NGLY1: variants seen among roughly 807,000 people sequenced by gnomAD.
NGLY1 encodes the protein N-glycanase 1.
In NGLY1, 68 loss-of-function variants were observed where a neutral mutation model predicts 84.6. That is an observed-to-expected ratio of 0.80 (90% CI 0.66 to 0.98). NGLY1 has a LOEUF of 0.98. Ranked by LOEUF, NGLY1 falls within the 50% of genes least tolerant of loss-of-function variation. The pLI, the probability that NGLY1 is intolerant of heterozygous loss-of-function variation, is 0.00. For missense variants in NGLY1, 779 were observed against 770.2 expected, an observed-to-expected ratio of 1.01 and a Z score of -0.14; for synonymous variants, 280 against 275.2, an observed-to-expected ratio of 1.02 and a Z score of -0.17.
Position 25,789,981 on chromosome 3 carries a change from A to G in NGLY1, c.-116T>C, listed in dbSNP as rs879200762. On this transcript the variant is annotated 5_prime_UTR_variant, in exon 1 of 12. Transcript: ENST00000417874. ...CCACGGTCTGACCTCAGCCAAGGTGACGCGGCTTAAAGTCAACCGGCGGAA... is the reference window on the plus strand; with the variant it reads ...CCACGGTCTGACCTCAGCCAAGGTGGCGCGGCTTAAAGTCAACCGGCGGAA... 1.8e-4 allele frequency: 237 copies of G among 1,316,336 alleles called. 1 individual carries two copies. In the South Asian group the frequency reaches 2.9e-3, roughly 16 times the overall value. The allele number at this position is 1,316,336 out of a possible 1,614,324, so 81.5% of individuals were successfully genotyped here.
chr3:25,756,104 A>C (rs1311713001), intron 3 of NGLY1, among the ~76,000 whole-genome samples: 1 of 152,082 alleles, frequency 6.6e-6, no homozygotes, highest in Non-Finnish European at 1.5e-5. Context: ...CAAATCTCTC[A>C]ATTTAGGAAA....
Position 25,772,693 on chromosome 3 carries a change from GTT to G in NGLY1, c.246+5879_246+5880del, listed in dbSNP as rs56343965. Among the ~76,000 whole-genome samples, 10 of 151,074 alleles carry G rather than the reference GTT, an allele frequency of 6.6e-5. No homozygotes were observed. The East Asian group carries it at 1.7e-3, about 26-fold the overall frequency. On this transcript the variant is annotated intron_variant, in intron 2 of 11. Transcript: ENST00000280700. ...ATGCTAGTTGTTGTGTGAATACTTT[GTT>G]TTTTTTTCATTATTTATTGTTTTAT...
At chr3:25,775,216 C>T (rs1163276610) in intron 2 of NGLY1, among the ~76,000 whole-genome samples, 1 of 152,210 alleles carries the variant, frequency 6.6e-6, no homozygotes, top group Admixed American at 6.5e-5. Context: ...TTTCTCAGAG[C>T]AAAAGTTCAC....
chr3:25,770,240 TC>T (rs1707827116), intron 2 of NGLY1, among the ~76,000 whole-genome samples: 1 of 152,180 alleles, frequency 6.6e-6, no homozygotes. Context: ...AACCTCCGCC[TC>T]CCGGGTTCTA....
At chr3:25,760,658 G>A (rs1422462044) in intron 3 of NGLY1, among the ~76,000 whole-genome samples, 5 of 151,954 alleles carry the variant, frequency 3.3e-5, no homozygotes, top group East Asian at 3.9e-4. Flanking sequence ...TTGGGAGTTC[G>A]AGACCAGCCT....
At chr3:25,769,866 T>C (rs947360917) in intron 2 of NGLY1, among the ~76,000 whole-genome samples, 2 of 152,146 alleles carry the variant, frequency 1.3e-5, no homozygotes, top group Non-Finnish European at 2.9e-5. Context: ...AGTTCTTTAG[T>C]GGTAATTTCT....
At chr3:25,768,503 G>A (rs1707727624) in intron 2 of NGLY1, among the ~76,000 whole-genome samples, 1 of 145,522 alleles carries the variant, frequency 6.9e-6, no homozygotes. Context: ...ACTACTAGAA[G>A]AAAATATTGG....
intron 1 of NGLY1, chr3:25,789,788 C>T: frequency 6.8e-7 from 1 of 1,474,292 alleles, no homozygotes; most frequent in Non-Finnish European, 9.3e-7. Flanking sequence ...GGTGTCCCTT[C>T]TCCGACAAAA....
At position 25,729,307 on chromosome 3, in the gene NGLY1, G is replaced by T. The variant is rs752135335; in HGVS notation, c.1437C>A (p.Thr479=). The T allele has an allele frequency of 2.1e-6, 3 of 1,396,430 alleles. No homozygotes were observed. In the East Asian group the frequency reaches 8.1e-5, roughly 38 times the overall value. 86.5% of individuals were successfully genotyped at this position (1,396,430 alleles called of 1,614,324 possible). A position where few individuals can be genotyped will look rare whatever the true frequency, so the allele number is the denominator to read the frequency against. The change falls in exon 10 of 12, where the codon ACC becomes ACA. Residue 479 remains threonine, a synonymous_variant. Transcript: ENST00000280700. The part of the protein sequence containing the change: ...RGEMGLQRKE[T]LFIPCENEKI... ...TCTCATTTTCACAGGGAATAAACAA[G>T]GTTTCTTTTCTCTTAAAAAGAAAGC...
At chr3:25,760,839 A>G in intron 3 of NGLY1, among the ~76,000 whole-genome samples, 1 of 82,630 alleles carries the variant, frequency 1.2e-5, no homozygotes, top group Non-Finnish European at 2.5e-5. Flanking sequence ...CAGCCTGGGC[A>G]ACAAGAGTGA....
chr3:25,774,679 C>T (rs753081638), intron 2 of NGLY1, among the ~76,000 whole-genome samples: 1 of 152,132 alleles, frequency 6.6e-6, no homozygotes, highest in Non-Finnish European at 1.5e-5. Flanking sequence ...AGGCAGTGTA[C>T]GCAGGGTTGA....
chr3:25,790,000 G>A (rs918817635), exon 1 of NGLY1: 6 of 1,103,836 alleles, frequency 5.4e-6, no homozygotes, highest in African/African-American at 4.7e-5. Context: ...AAAGTCAACC[G>A]GCGGAAAGAG....
intron 4 of NGLY1, chr3:25,749,610 T>C (rs970792442): frequency 4.3e-5 from 63 of 1,461,506 alleles, no homozygotes; most frequent in Admixed American, 4.0e-4. Flanking sequence ...CCCAGAGGTA[T>C]TGACGACAGG....
chr3:25,779,666 C>G (rs1019135298), intron 1 of NGLY1, among the ~76,000 whole-genome samples: 3 of 152,182 alleles, frequency 2.0e-5, no homozygotes, highest in African/African-American at 7.2e-5. Context: ...GTCCTATCTA[C>G]ACATGTTCTC....
rs573836455 is a variant in NGLY1 at position 25,768,626 on chromosome 3, C to T, written c.247-4315G>A. ...TCGCCGAGGCTGGAGCACAGTGGTG[C>T]GATCTTGGCTCACTGCAACCTCCAT... On this transcript the variant is annotated intron_variant, in intron 2 of 11. Coordinates refer to ENST00000280700, the MANE Select transcript of NGLY1 (RefSeq NM_018297.4). Among the ~76,000 whole-genome samples the T allele has an allele frequency of 1.2e-3, 172 of 141,088 alleles. 1 individual carries two copies. The highest frequency in any genetic ancestry group is 4.2e-3 in the African/African-American group (159 of 37,422). The allele number at this position is 141,088 out of a possible 152,430, so 92.6% of individuals were successfully genotyped here. A position where few individuals can be genotyped will look rare whatever the true frequency, so the allele number is the denominator to read the frequency against.
At chr3:25,789,294 T>C (rs1163107779) in intron 1 of NGLY1, among the ~76,000 whole-genome samples, 1 of 152,196 alleles carries the variant, frequency 6.6e-6, no homozygotes, top group Non-Finnish European at 1.5e-5. Flanking sequence ...TGATAATTTT[T>C]TTTTAAGTGA....
chr3:25,745,740 C>T (rs1477309575), intron 4 of NGLY1, among the ~76,000 whole-genome samples: 1 of 151,998 alleles, frequency 6.6e-6, no homozygotes, highest in Non-Finnish European at 1.5e-5. Context: ...TCTCCTTGTA[C>T]TCTTTTGATT....
intron 3 of NGLY1, among the ~76,000 whole-genome samples, chr3:25,760,824 C>T (rs919144344): frequency 1.2e-4 from 17 of 137,170 alleles, no homozygotes; most frequent in African/African-American, 3.5e-4. Flanking sequence ...CACGCCATTG[C>T]ACTCCAGCCT....
intron 6 of NGLY1, 117 bp downstream of exon 6, chr3:25,737,217 A>T (rs1483911744): frequency 9.0e-6 from 7 of 779,980 alleles, no homozygotes; most frequent in Non-Finnish European, 1.4e-5. Context: ...CACAAGGCAA[A>T]TGGAAGGTCA....
Sources: allele counts gnomAD v4.1 joint callset (sites outside exome capture counted in the v4.1 genomes callset), GRCh38; gene constraint gnomAD v4.1.1; transcripts MANE v1.5; gene names NCBI Gene and HGNC (gene_info 2026-07-23, HGNC 2026-07-21).